The following TTC1 variants were observed in gnomAD, a reference collection of about 807,000 sequenced individuals.
TTC1 encodes the protein tetratricopeptide repeat domain 1, also known as tetratricopeptide repeat protein 1.
TTC1 carries 31 observed loss-of-function variants against 37.6 expected under a neutral mutation model. The observed-to-expected ratio is 0.82, with a 90% CI of 0.62 to 1.11. TTC1 has a LOEUF of 1.11. Among genes scored for constraint, TTC1 ranks in the 50% most tolerant of loss-of-function variants. The pLI, the probability that TTC1 is intolerant of heterozygous loss-of-function variation, is 0.00. For synonymous variants in TTC1, 127 were observed against 122.4 expected (o/e 1.04, Z -0.25); for missense variants, 351 against 339.0 (o/e 1.04, Z -0.28).
intron 2 of TTC1, among the ~76,000 whole-genome samples, chr5:160,020,343 A>G (rs1756682756): frequency 6.6e-6 from 1 of 152,040 alleles, no homozygotes; most frequent in South Asian, 2.1e-4. Context: ...GTTTATTTTT[A>G]TTTTTGTAGA....
chr5:160,042,261 G>A (rs113804717), intron 4 of TTC1, among the ~76,000 whole-genome samples: 1,942 of 152,310 alleles, frequency 0.013, 46 homozygotes, highest in African/African-American at 0.044. Flanking sequence ...TCCTGAAACA[G>A]TTTGGCTGTC....
chr5:160,046,988 G>A (rs1481659588), intron 5 of TTC1, among the ~76,000 whole-genome samples: 1 of 152,030 alleles, frequency 6.6e-6, no homozygotes, highest in African/African-American at 2.4e-5. Flanking sequence ...CTCCAGCCTG[G>A]GTGACAGAGC....
intron 7 of TTC1, among the ~76,000 whole-genome samples, chr5:160,063,211 G>C (rs935115307): frequency 6.6e-6 from 1 of 152,168 alleles, no homozygotes; most frequent in Non-Finnish European, 1.5e-5. Context: ...AGTTATTAGG[G>C]AGGCCTGTAA....
chr5:160,051,000 ATC>A, intron 6 of TTC1, 127 bp from the exon 7 acceptor site: 1 of 650,594 alleles, frequency 1.5e-6, no homozygotes. Context: ...ATTTAATAGG[ATC>A]ATAGACATAC....
chr5:160,011,633 A>G (rs1005328686), intron 2 of TTC1, among the ~76,000 whole-genome samples: 1 of 152,268 alleles, frequency 6.6e-6, no homozygotes, highest in African/African-American at 2.4e-5. Context: ...TAGACTAATA[A>G]AATGTACACT....
chr5:160,009,266 G>A (rs1756448318), intron 1 of TTC1, 73 bp downstream of exon 1: 1 of 152,226 alleles, frequency 6.6e-6, no homozygotes, highest in Admixed American at 6.5e-5. Context: ...TGGGAAGCGC[G>A]AGGCATCACT....
At chr5:160,030,186 G>C (rs1481414405) in intron 2 of TTC1, among the ~76,000 whole-genome samples, 2 of 152,220 alleles carry the variant, frequency 1.3e-5, no homozygotes, top group East Asian at 3.8e-4. Context: ...GTTTGTACTA[G>C]ACTTTGAAAA....
Position 160,030,545 on chromosome 5 carries a change from T to C in TTC1, c.331-4595T>C, listed in dbSNP as rs148837525. 2.3e-3 allele frequency among the ~76,000 whole-genome samples: 343 copies of C among 152,318 alleles called. 2 individuals are homozygous for C. Among genetic ancestry groups the C allele is most frequent in the African/African-American group, 7.7e-3 (320 of 41,560 alleles). ...TCAGCAGTGAAGCGCTGTACTGGTA[T>C]AGGTTGTAATGAATTTTGAATACCA... On this transcript the variant is annotated intron_variant, in intron 2 of 7. Coordinates refer to ENST00000231238, the MANE Select transcript of TTC1 (RefSeq NM_003314.3).
At position 160,021,354 on chromosome 5, in the gene TTC1, G is replaced by A. The variant is rs528404726; in HGVS notation, c.330+10496G>A. 7.9e-5 allele frequency among the ~76,000 whole-genome samples: 12 copies of A among 152,252 alleles called. No individual in the cohort carries two copies. In the South Asian group the frequency reaches 8.3e-4, roughly 11 times the overall value. On this transcript the variant is annotated intron_variant, in intron 2 of 7. Transcript: ENST00000231238. ...CCGTACATTGACTGCATCCAACATCGGAAGAACTGAATAGGAGGTTTTCTT... is the reference window on the plus strand; with the variant it reads ...CCGTACATTGACTGCATCCAACATCAGAAGAACTGAATAGGAGGTTTTCTT...
intron 7 of TTC1, 145 bp from the exon 8 acceptor site, chr5:160,064,787 C>T: frequency 1.1e-6 from 1 of 875,194 alleles, no homozygotes; most frequent in South Asian, 1.8e-5. Flanking sequence ...CTCCTGGAAG[C>T]TTTCATCATA....
At chr5:160,049,114 G>T (rs542017427) in intron 5 of TTC1, among the ~76,000 whole-genome samples, 2 of 152,310 alleles carry the variant, frequency 1.3e-5, no homozygotes, top group African/African-American at 4.8e-5. Flanking sequence ...ACCTGTTTTT[G>T]ATAGCCTAAA....
At position 160,036,789 on chromosome 5, in the gene TTC1, G is replaced by T; in HGVS notation, c.490G>T (p.Ala164Ser). ...GATTCTATTTTCAAATAGAGCTGCAGCAAGGATGAAACAGGTATGTATCTG... is the reference window on the plus strand; with the variant it reads ...GATTCTATTTTCAAATAGAGCTGCATCAAGGATGAAACAGGTATGTATCTG... ...RSILFSNRAA[A>S]RMKQDKKEMA... The change falls in exon 4 of 8, where the codon GCA becomes TCA. Residue 164 changes from alanine to serine, a missense_variant. By Grantham distance (99) the Ala-to-Ser change is moderately conservative. Coordinates refer to ENST00000231238, the MANE Select transcript of TTC1 (RefSeq NM_003314.3). 1.9e-6 allele frequency: 3 copies of T among 1,612,960 alleles called. No homozygotes were observed. The highest frequency in any genetic ancestry group is 2.5e-6 in the Non-Finnish European group (3 of 1,179,330).
At chr5:160,023,957 A>G in intron 2 of TTC1, 1 of 1,564,296 alleles carries the variant, frequency 6.4e-7, no homozygotes, top group Non-Finnish European at 8.8e-7. Context: ...CTCATCAGGT[A>G]TCAGAGAGTA....
chr5:160,017,339 G>C (rs1319558175), intron 2 of TTC1, among the ~76,000 whole-genome samples: 1 of 152,158 alleles, frequency 6.6e-6, no homozygotes, highest in East Asian at 1.9e-4. Flanking sequence ...AGCAATTTTA[G>C]TGTCTGGTGA....
chr5:160,013,396 A>T (rs1422716292), intron 2 of TTC1, among the ~76,000 whole-genome samples: 2 of 151,802 alleles, frequency 1.3e-5, no homozygotes, highest in African/African-American at 4.9e-5. Flanking sequence ...TTCAACAATG[A>T]CTAAAAAAAA....
In TTC1 at chr5:160,057,248, A is replaced by G. The variant is rs2113410867; in HGVS notation, c.745+6065A>G. Among the ~76,000 whole-genome samples, 1 of 152,214 alleles carries G rather than the reference A, an allele frequency of 6.6e-6. No homozygotes were observed. The highest frequency in any genetic ancestry group is 1.9e-4 in the East Asian group (1 of 5,180). On this transcript the variant is annotated intron_variant, in intron 7 of 7. Coordinates refer to ENST00000231238, the MANE Select transcript of TTC1 (RefSeq NM_003314.3). This position sits in a 1 kb window ranked among gnomAD's most constrained non-coding sequence, Gnocchi z 4.4. Reference sequence around the variant, plus strand: ...AAGGCTTCTTTCAGCCCTCGAATTTACCCAAGGTCAAATACAGGCGTACCT... The same window carrying G: ...AAGGCTTCTTTCAGCCCTCGAATTTGCCCAAGGTCAAATACAGGCGTACCT...
At chr5:160,029,141 G>A (rs1021462591) in intron 2 of TTC1, among the ~76,000 whole-genome samples, 52 of 152,150 alleles carry the variant, frequency 3.4e-4, no homozygotes, top group African/African-American at 1.3e-3. Flanking sequence ...GAGAACCAGA[G>A]TTTTCACTGT....
chr5:160,023,963 G>T, intron 2 of TTC1: 4 of 1,562,456 alleles, frequency 2.6e-6, no homozygotes, highest in Non-Finnish European at 3.5e-6. Flanking sequence ...AGGTATCAGA[G>T]AGTATTTGGT....
At chr5:160,058,870 C>T (rs1016049059) in intron 7 of TTC1, among the ~76,000 whole-genome samples, 1 of 152,138 alleles carries the variant, frequency 6.6e-6, no homozygotes, top group Non-Finnish European at 1.5e-5. Flanking sequence ...CAGTGAGCAG[C>T]AATTTTTTGA....
Sources: gnomAD v4.1 joint callset for allele counts (sites outside exome capture counted in the v4.1 genomes callset) on GRCh38, gnomAD v4.1.1 for gene constraint, Gnocchi (gnomAD v3.1) non-coding constraint, MANE v1.5 for transcripts, NCBI Gene and HGNC (gene_info 2026-07-23, HGNC 2026-07-21) for gene names.